Variants in TP53I13 observed in about 807,000 individuals in gnomAD.
The protein encoded by TP53I13 is tumor protein p53 inducible protein 13, also known as tumor protein p53-inducible protein 13.
TP53I13 carries 27 observed loss-of-function variants against 39.1 expected under a neutral mutation model. The ratio of observed to expected loss-of-function variants is 0.69; its 90% CI spans 0.51 to 0.95. The LOEUF (loss-of-function observed/expected upper bound fraction) is 0.95. Ranked by LOEUF, TP53I13 falls within the 40% of genes least tolerant of loss-of-function variation. The pLI is 0.00. For synonymous variants in TP53I13, 230 were observed against 224.6 expected (o/e 1.02, Z -0.22); for missense variants, 544 against 520.4 (o/e 1.05, Z -0.44).
At chr17:29,582,213 C>T in the TP53I13 span, 1 of 1,172,984 alleles carries the variant, frequency 8.5e-7, no homozygotes, top group Non-Finnish European at 1.2e-6. Context: ...ACAAGCTGCA[C>T]CCTGGCTGCC....
Position 29,572,899 on chromosome 17 carries a change from G to T in TP53I13, c.1157G>T (p.Gly386Val). 6.6e-7 allele frequency: 1 copy of T among 1,509,356 alleles called. No homozygotes were observed. The allele number at this position is 1,509,356 out of a possible 1,614,324, so 93.5% of individuals were successfully genotyped here. A position where few individuals can be genotyped will look rare whatever the true frequency, so the allele number is the denominator to read the frequency against. ...RPLLPPTPDSGPEGESSE is the reference protein window; with the variant it reads ...RPLLPPTPDSVPEGESSE Reference sequence around the variant, plus strand: ...CTCCTCCCGCCCACGCCGGACAGCGGCCCGGAAGGCGAGAGCTCGGAGTGA... The same window carrying T: ...CTCCTCCCGCCCACGCCGGACAGCGTCCCGGAAGGCGAGAGCTCGGAGTGA... Residue 386 changes from glycine to valine, a missense_variant, in exon 7 of 7, where the codon GGC (glycine) becomes GTC (valine). Physicochemically the swap from Gly to Val is moderately radical, Grantham distance 109 (BLOSUM62 -3). Transcript: ENST00000301057.
At chr17:29,576,343 G>A (rs768836653), downstream of TP53I13, 22 of 1,613,156 alleles carry the variant, frequency 1.4e-5, no homozygotes, top group East Asian at 2.2e-5. Flanking sequence ...GTGTGCTCCC[G>A]CCTGGCGCCA....
chr17:29,567,525 C>CA (rs1349513985), upstream of TP53I13: 1 of 152,148 alleles, frequency 6.6e-6, no homozygotes, highest in African/African-American at 2.4e-5. This position sits in a 1 kb window ranked among gnomAD's most constrained non-coding sequence, Gnocchi z 6.6. Context: ...CGCAACCCCG[C>CA]AATAACTTGG....
intron 3 of TP53I13, chr17:29,571,248 A>C: frequency 3.4e-6 from 1 of 296,586 alleles, no homozygotes; most frequent in Non-Finnish European, 6.4e-6. Flanking sequence ...GATGGTCTTC[A>C]TTTGGGGGTT....
chr17:29,578,882 G>A, the TP53I13 span: 1 of 1,558,428 alleles, frequency 6.4e-7, no homozygotes. Flanking sequence ...CCGGGGAGAT[G>A]GCACCCCAGA....
At chr17:29,581,773 C>A in the TP53I13 span, 1 of 1,611,870 alleles carries the variant, frequency 6.2e-7, no homozygotes, top group Non-Finnish European at 8.5e-7. This position sits in a 1 kb window ranked among gnomAD's most constrained non-coding sequence, Gnocchi z 4.8. Context: ...AGAAGGCCAG[C>A]CGGTCAGTGA....
At chr17:29,574,616 G>C (rs982819015), downstream of TP53I13, 1 of 1,142,872 alleles carries the variant, frequency 8.7e-7, no homozygotes, top group Non-Finnish European at 1.3e-6. Context: ...CAGTGGCTCT[G>C]TTGGGGTGGG....
intron 3 of TP53I13, 124 bp from the exon 4 acceptor site, chr17:29,571,467 T>C: frequency 7.2e-7 from 1 of 1,383,218 alleles, no homozygotes; most frequent in Non-Finnish European, 9.8e-7. Flanking sequence ...TCCTGGGCCC[T>C]GAAGGTAGAA....
upstream of TP53I13, chr17:29,566,596 C>T: frequency 6.2e-7 from 1 of 1,607,934 alleles, no homozygotes; most frequent in Non-Finnish European, 8.5e-7. Context: ...CAGGTACTCC[C>T]GGGCCAGCTC....
At position 29,571,696 on chromosome 17, in the gene TP53I13, G is replaced by A; in HGVS notation, c.289G>A (p.Asp97Asn). 6.2e-7 allele frequency: 1 copy of A among 1,614,124 alleles called. No individual in the cohort carries two copies. Among genetic ancestry groups the A allele is most frequent in the Non-Finnish European group, 8.5e-7 (1 of 1,180,026 alleles). The change falls in exon 4 of 7, where the codon GAC (aspartate) becomes AAC (asparagine). Residue 97 changes from aspartate (D) to asparagine (N), a missense_variant. Physicochemically the swap from Asp to Asn is conservative, Grantham distance 23. Coordinates refer to ENST00000301057, the MANE Select transcript of TP53I13 (RefSeq NM_138349.4). ...TATGGCTAACCCTTCCCTCACCCCT[G>A]ACTTCAGCCTCACGCAGGATCGGGT... ...ACMANPSLTP[D>N]FSLTQDRPLV...
At chr17:29,571,498 G>A in intron 3 of TP53I13, 93 bp from the exon 4 acceptor site, 1 of 1,554,004 alleles carries the variant, frequency 6.4e-7, no homozygotes. Flanking sequence ...GCTATCCTGG[G>A]AGTACCTTTA....
At chr17:29,578,028 C>T (rs1485295257), downstream of TP53I13, among the ~76,000 whole-genome samples, 1 of 152,146 alleles carries the variant, frequency 6.6e-6, no homozygotes, top group Non-Finnish European at 1.5e-5. Context: ...GGGGGTGGAG[C>T]GGTACCAGGG....
downstream of TP53I13, chr17:29,575,241 A>G (rs1334966065): frequency 3.2e-6 from 5 of 1,578,986 alleles, no homozygotes; most frequent in Non-Finnish European, 4.3e-6. The surrounding 1 kb of genome is among the most constrained non-coding windows in gnomAD (Gnocchi z 5.5). Flanking sequence ...AACACCCTAG[A>G]AGCCAACAGG....
chr17:29,571,168 C>G (rs1410894781), intron 3 of TP53I13: 1 of 185,782 alleles, frequency 5.4e-6, no homozygotes, highest in African/African-American at 2.4e-5. Context: ...TATTTCCATC[C>G]TGAGATTGTG....
At chr17:29,574,358 G>A, downstream of TP53I13, 1 of 329,270 alleles carries the variant, frequency 3.0e-6, no homozygotes, top group South Asian at 3.3e-5. Context: ...ACGGAGAGCT[G>A]CCCCACTTGG....
At chr17:29,567,084 G>C, upstream of TP53I13, 1 of 913,040 alleles carries the variant, frequency 1.1e-6, no homozygotes, top group Non-Finnish European at 1.4e-6. This position sits in a 1 kb window ranked among gnomAD's most constrained non-coding sequence, Gnocchi z 6.6. Context: ...TCCCGCGCGG[G>C]CGCGCTCTGG....
chr17:29,574,534 A>AG (rs776699500), downstream of TP53I13: 1 of 684,590 alleles, frequency 1.5e-6, no homozygotes, highest in Non-Finnish European at 2.6e-6. Flanking sequence ...CCCCATCCTT[A>AG]GGGGCTCGAC....
In TP53I13 at chr17:29,569,342, C is replaced by G. The variant is rs1360122702; in HGVS notation, c.166C>G (p.Arg56Gly). 4 of 1,613,902 alleles carry G rather than the reference C, an allele frequency of 2.5e-6. No individual in the cohort carries two copies. The highest frequency in any genetic ancestry group is 3.4e-6 in the Non-Finnish European group (4 of 1,179,908). ...GGTGTCACCAAGAGTGACCTACACA[C>G]GAGTGAGCCCAGGGCAGGTGAGTAC... ...PQVSPRVTYT[R>G]VSPGQAEDVT... Residue 56 changes from arginine (R) to glycine (G), a missense_variant, in exon 3 of 7, where the codon CGA becomes GGA. Arg to Gly is a moderately radical substitution (Grantham distance 125). Transcript: ENST00000301057.
chr17:29,580,086 A>G, the TP53I13 span, among the ~76,000 whole-genome samples: 1 of 151,414 alleles, frequency 6.6e-6, no homozygotes, highest in South Asian at 2.1e-4. Flanking sequence ...CTCTTGCTGC[A>G]CTCCCCCATG....
Sources: gnomAD v4.1 joint callset for allele counts (sites outside exome capture counted in the v4.1 genomes callset) on GRCh38, gnomAD v4.1.1 for gene constraint, Gnocchi (gnomAD v3.1) non-coding constraint, MANE v1.5 for transcripts, NCBI Gene and HGNC (gene_info 2026-07-23, HGNC 2026-07-21) for gene names.